EMILIN2: variants seen among roughly 807,000 people sequenced by gnomAD.
EMILIN2 encodes the protein EMILIN-2.
In EMILIN2, 71 loss-of-function variants were observed where a neutral mutation model predicts 87.1. The observed-to-expected ratio is 0.82, with a 90% confidence interval of 0.67 to 0.99. The LOEUF (loss-of-function observed/expected upper bound fraction) is 0.99. Among genes scored for constraint, EMILIN2 ranks in the 50% least tolerant of loss-of-function variants. EMILIN2 has a pLI of 0.00. For missense variants in EMILIN2, 1,407 were observed against 1,371.8 expected (o/e 1.03, Z -0.40); for synonymous variants, 581 against 563.4 (o/e 1.03, Z -0.44).
At position 2,847,839 on chromosome 18, in the gene EMILIN2, T is replaced by C. The variant is rs1467564718; in HGVS notation, c.165T>C (p.Asn55=). The C allele has an allele frequency of 1.9e-6, 3 of 1,613,600 alleles. No individual in the cohort carries two copies. Among genetic ancestry groups the C allele is most frequent in the East Asian group, 2.2e-5 (1 of 44,868 alleles). The part of the protein sequence containing the change: ...KNWCAYIVNK[N]VSCSVLEGSE... Reference sequence around the variant, plus strand: ...GGTGCGCCTACATCGTGAACAAGAATGTGAGCTGCTCCGTGCTGGAGGGAA... The same window carrying C: ...GGTGCGCCTACATCGTGAACAAGAACGTGAGCTGCTCCGTGCTGGAGGGAA... Residue 55 remains asparagine (N), a synonymous_variant, in exon 2 of 8, where the codon AAT becomes AAC. Coordinates refer to ENST00000254528, the MANE Select transcript of EMILIN2 (RefSeq NM_032048.3). This position sits in a 1 kb window ranked among gnomAD's most constrained non-coding sequence, Gnocchi z 4.5.
chr18:2,903,758 G>T (rs2076898098), intron 4 of EMILIN2, among the ~76,000 whole-genome samples: 1 of 151,872 alleles, frequency 6.6e-6, no homozygotes, highest in African/African-American at 2.4e-5. Context: ...AAAAGTATCA[G>T]ATCATTTGTC....
intron 2 of EMILIN2, among the ~76,000 whole-genome samples, chr18:2,864,049 C>CT (rs1002092450): frequency 1.1e-4 from 16 of 152,028 alleles, no homozygotes; most frequent in African/African-American, 3.6e-4. Flanking sequence ...CATCCCCTGC[C>CT]TTTTTTTGTT....
Position 2,907,067 on chromosome 18 carries a change from G to A in EMILIN2, c.2644G>A (p.Gly882Ser). 1 of 1,255,396 alleles carries A rather than the reference G, an allele frequency of 8.0e-7. No homozygotes were observed. Among genetic ancestry groups the A allele is most frequent in the Non-Finnish European group, 1.0e-6 (1 of 1,002,872 alleles). The allele number at this position is 1,255,396 out of a possible 1,614,324, so 77.8% of individuals were successfully genotyped here. The change falls in exon 5 of 8, where the codon GGC becomes AGC. Residue 882 changes from glycine (G) to serine (S), a missense_variant. Physicochemically the swap from Gly to Ser is moderately conservative, Grantham distance 56 (BLOSUM62 0). Transcript: ENST00000254528. ...TGSGTVPGAE[G>S]FAGAPGYPKS... ...GAGCGGCACCGTCCCCGGCGCAGAA[G>A]GCTTCGCGGGCGCACCAGGTGAGGC...
intron 2 of EMILIN2, among the ~76,000 whole-genome samples, chr18:2,858,053 G>A (rs1466182129): frequency 6.6e-6 from 1 of 151,814 alleles, no homozygotes; most frequent in East Asian, 1.9e-4. Context: ...GCTGTATCTC[G>A]TGTCTGGAAC....
intron 2 of EMILIN2, among the ~76,000 whole-genome samples, chr18:2,864,764 G>C (rs1202102226): frequency 1.3e-4 from 20 of 152,110 alleles, no homozygotes; most frequent in South Asian, 4.1e-4. Context: ...ATGTTGGCCT[G>C]CCTTACTAGA....
At position 2,891,647 on chromosome 18, in the gene EMILIN2, A is replaced by G; in HGVS notation, c.1520A>G (p.Gln507Arg). ...LEDRLGSVLLQMTNNTGAELS... is the reference protein window; with the variant it reads ...LEDRLGSVLLRMTNNTGAELS... Reference sequence around the variant, plus strand: ...GACCGTCTGGGGAGCGTTCTCCTACAGATGACCAATAACACTGGTGCAGAG... The same window carrying G: ...GACCGTCTGGGGAGCGTTCTCCTACGGATGACCAATAACACTGGTGCAGAG... Residue 507 changes from glutamine to arginine, a missense_variant, in exon 4 of 8, where the codon CAG becomes CGG. Transcript: ENST00000254528. The surrounding 1 kb of genome is among the most constrained non-coding windows in gnomAD (Gnocchi z 4.6). 1 of 1,614,128 alleles carries G rather than the reference A, an allele frequency of 6.2e-7. No individual in the cohort carries two copies. The highest frequency in any genetic ancestry group is 8.5e-7 in the Non-Finnish European group (1 of 1,180,040).
At chr18:2,884,861 G>C in intron 2 of EMILIN2, 103 bp from the exon 3 acceptor site, 1 of 1,261,336 alleles carries the variant, frequency 7.9e-7, no homozygotes, top group Non-Finnish European at 1.1e-6. Flanking sequence ...CTGGAGAGCA[G>C]GCAGGGTCCT....
Position 2,848,082 on chromosome 18 carries a change from C to A in EMILIN2, c.257+151C>A. 5 of 1,068,284 alleles carry A rather than the reference C, an allele frequency of 4.7e-6. No homozygotes were observed. Among genetic ancestry groups the A allele is most frequent in the Non-Finnish European group, 6.5e-6 (5 of 770,456 alleles). 66.2% of individuals were successfully genotyped at this position (1,068,284 alleles called of 1,614,324 possible). Reference sequence around the variant, plus strand: ...AGCGGAAAAGCGCTCCGAGCGCTCGCGGGGCACCGGCCACGCTGGGCTATT... The same window carrying A: ...AGCGGAAAAGCGCTCCGAGCGCTCGAGGGGCACCGGCCACGCTGGGCTATT... On this transcript the variant is annotated intron_variant, in intron 2 of 7. Coordinates refer to ENST00000254528, the MANE Select transcript of EMILIN2 (RefSeq NM_032048.3). This position sits in a 1 kb window ranked among gnomAD's most constrained non-coding sequence, Gnocchi z 4.1.
chr18:2,908,918 A>G (rs373347013), intron 5 of EMILIN2, 25 bp from the exon 6 acceptor site: 74 of 1,613,714 alleles, frequency 4.6e-5, no homozygotes, highest in Non-Finnish European at 6.0e-5. Flanking sequence ...CTTGTTTGAC[A>G]TGCCATTTCC....
At chr18:2,888,004 C>A (rs963373115) in intron 3 of EMILIN2, among the ~76,000 whole-genome samples, 4 of 152,134 alleles carry the variant, frequency 2.6e-5, no homozygotes, top group African/African-American at 4.8e-5. Context: ...TAATGGACAA[C>A]CTTCCATGTC....
Position 2,876,484 on chromosome 18 carries a change from G to T in EMILIN2, c.258-8480G>T, listed in dbSNP as rs572885027. Among the ~76,000 whole-genome samples the T allele has an allele frequency of 1.1e-4, 17 of 149,878 alleles. No individual in the cohort carries two copies. The East Asian group carries it at 3.4e-3, about 30-fold the overall frequency. ...CTGTTATTTTAAAAATACGTACAAA[G>T]CACCAGGCGCGGTGGCTCACGCCTG... On this transcript the variant is annotated intron_variant, in intron 2 of 7. Transcript: ENST00000254528.
At chr18:2,852,763 C>A (rs2076607774) in intron 2 of EMILIN2, among the ~76,000 whole-genome samples, 1 of 152,210 alleles carries the variant, frequency 6.6e-6, no homozygotes, top group Non-Finnish European at 1.5e-5. Context: ...AAGTGACCCG[C>A]CTGCCTCGGC....
In EMILIN2 at chr18:2,859,762, G is replaced by A. The variant is rs190775160; in HGVS notation, c.257+11831G>A. 2.4e-3 allele frequency among the ~76,000 whole-genome samples: 365 copies of A among 152,274 alleles called. 2 individuals are homozygous for A. The highest frequency in any genetic ancestry group is 8.5e-3 in the African/African-American group (354 of 41,560). ...GATTTTTGTGTAAGGTGAGAGATGA[G>A]GATCCAGTTTCATTCTTCTACATGT... is the stretch of plus-strand genomic sequence containing the variant. On this transcript the variant is annotated intron_variant, in intron 2 of 7. Transcript: ENST00000254528.
rs372769367 is a variant in EMILIN2, at chr18:2,880,461, C to T, written c.258-4503C>T. Among the ~76,000 whole-genome samples, 11 of 152,264 alleles carry T rather than the reference C, an allele frequency of 7.2e-5. No homozygotes were observed. The highest frequency in any genetic ancestry group is 2.6e-4 in the African/African-American group (11 of 41,550). ...AGTTCACAGGGGCGAGGCGGCAGGG[C>T]GACAGGCCCAGGGTTACAGCCCCAA... is the stretch of plus-strand genomic sequence containing the variant. On this transcript the variant is annotated intron_variant, in intron 2 of 7. Transcript: ENST00000254528. The surrounding 1 kb of genome is among the most constrained non-coding windows in gnomAD (Gnocchi z 4.1).
chr18:2,902,010 A>G (rs1284021202), intron 4 of EMILIN2, among the ~76,000 whole-genome samples: 1 of 152,212 alleles, frequency 6.6e-6, no homozygotes. Context: ...CTCAAGGAAT[A>G]TCTTAGTTCA....
intron 2 of EMILIN2, among the ~76,000 whole-genome samples, chr18:2,852,362 C>T (rs186614152): frequency 1.1e-4 from 17 of 152,248 alleles, no homozygotes; most frequent in Admixed American, 5.2e-4. Flanking sequence ...TGAGCTCGAC[C>T]GCTTCAGGAC....
At position 2,894,640 on chromosome 18, in the gene EMILIN2, C is replaced by A. The variant is rs754989377; in HGVS notation, c.2359+2154C>A. Among the ~76,000 whole-genome samples the A allele has an allele frequency of 6.6e-6, 1 of 152,186 alleles. No homozygotes were observed. The highest frequency in any genetic ancestry group is 1.5e-5 in the Non-Finnish European group (1 of 68,036). ...TGCAGTAGGAGTTGGGGGGTGAATT[C>A]TTTTAAAAGAGAATGTGCCATACAA... is the stretch of plus-strand genomic sequence containing the variant. On this transcript the variant is annotated intron_variant, in intron 4 of 7. Coordinates refer to ENST00000254528, the MANE Select transcript of EMILIN2 (RefSeq NM_032048.3). The surrounding 1 kb of genome is among the most constrained non-coding windows in gnomAD (Gnocchi z 5.0).
chr18:2,857,829 A>AG (rs1447776621), intron 2 of EMILIN2, among the ~76,000 whole-genome samples: 1 of 152,220 alleles, frequency 6.6e-6, no homozygotes, highest in East Asian at 1.9e-4. Flanking sequence ...AGCTTTCAGC[A>AG]GGAGCAGCAG....
chr18:2,906,396 G>A (rs1437373816), intron 4 of EMILIN2: 1 of 162,108 alleles, frequency 6.2e-6, no homozygotes, highest in Non-Finnish European at 1.3e-5. Context: ...GCAGGAGTGT[G>A]GTTCAGAGAC....
Sources: gnomAD v4.1 joint callset for allele counts (sites outside exome capture counted in the v4.1 genomes callset) on GRCh38, gnomAD v4.1.1 for gene constraint, Gnocchi (gnomAD v3.1) non-coding constraint, MANE v1.5 for transcripts, NCBI Gene and HGNC (gene_info 2026-07-23, HGNC 2026-07-21) for gene names.